ARAP1: variants seen among roughly 807,000 people sequenced by gnomAD.
The protein encoded by ARAP1 is arf-GAP with Rho-GAP domain, ANK repeat and PH domain-containing protein 1.
A neutral mutation model predicts 172.2 loss-of-function variants in ARAP1; 76 were observed. That is an observed-to-expected ratio of 0.44 (90% CI 0.37 to 0.53). ARAP1 has a LOEUF of 0.53. Ranked by LOEUF, ARAP1 falls within the 20% of genes least tolerant of loss-of-function variation. The pLI is 0.00. For missense variants in ARAP1, 1,686 were observed against 1,977.5 expected, an observed-to-expected ratio of 0.85 and a Z score of 2.80; for synonymous variants, 804 against 803.3, an observed-to-expected ratio of 1.00 and a Z score of -0.01.
In ARAP1 at chr11:72,693,597, T is replaced by C. The variant is rs1856036157; in HGVS notation, c.3808+95A>G. ...AGAGGCCCACCCACTTGGCGCCCTC[T>C]GTCTGAGCTGTTCCTACCTGGCACC... is the stretch of plus-strand genomic sequence containing the variant. On this transcript the variant is annotated intron_variant, in intron 28 of 34. Coordinates refer to ENST00000393609, the MANE Select transcript of ARAP1 (RefSeq NM_001040118.3). The surrounding 1 kb of genome is among the most constrained non-coding windows in gnomAD (Gnocchi z 4.6). The C allele has an allele frequency of 6.5e-7, 1 of 1,528,308 alleles. No homozygotes were observed. Among genetic ancestry groups the C allele is most frequent in the Non-Finnish European group, 8.8e-7 (1 of 1,131,812 alleles). 94.7% of individuals were successfully genotyped at this position (1,528,308 alleles called of 1,614,324 possible). A position where few individuals can be genotyped will look rare whatever the true frequency, so the allele number is the denominator to read the frequency against.
At position 72,693,314 on chromosome 11, in the gene ARAP1, G is replaced by T; in HGVS notation, c.3954+11C>A. Reference sequence around the variant, plus strand: ...GCCCACCCTGGGGCAGAACCCAGCGGGGCCACTTACCCGGACCTCCTTGTA... The same window carrying T: ...GCCCACCCTGGGGCAGAACCCAGCGTGGCCACTTACCCGGACCTCCTTGTA... On this transcript the variant is annotated intron_variant, in intron 29 of 34. Coordinates refer to ENST00000393609, the MANE Select transcript of ARAP1 (RefSeq NM_001040118.3). The surrounding 1 kb of genome is among the most constrained non-coding windows in gnomAD (Gnocchi z 4.6). 6.2e-7 allele frequency: 1 copy of T among 1,613,086 alleles called. No homozygotes were observed. Among genetic ancestry groups the T allele is most frequent in the Non-Finnish European group, 8.5e-7 (1 of 1,179,394 alleles).
chr11:72,743,965 C>T (rs1412336378), intron 1 of ARAP1, among the ~76,000 whole-genome samples: 1 of 152,116 alleles, frequency 6.6e-6, no homozygotes, highest in Non-Finnish European at 1.5e-5. Flanking sequence ...CCCCTCCCCT[C>T]TGGTCTCATT....
At position 72,711,046 on chromosome 11, in the gene ARAP1, G is replaced by T. The variant is rs765592665; in HGVS notation, c.1188C>A (p.Thr396=). 1 of 1,614,122 alleles carries T rather than the reference G, an allele frequency of 6.2e-7. No homozygotes were observed. Among genetic ancestry groups the T allele is most frequent in the Non-Finnish European group, 8.5e-7 (1 of 1,180,052 alleles). ...CATCACTCTCTGCCCGGAAGGCAAA[G>T]GTTCGGTTGTTTGTGATCACTTCAA... ...QKFEVITNNR[T]FAFRAESDVE... is the part of the protein sequence containing the mutation. The change falls in exon 9 of 35, where the codon ACC becomes ACA. Residue 396 remains threonine, a synonymous_variant. Coordinates refer to ENST00000393609, the MANE Select transcript of ARAP1 (RefSeq NM_001040118.3).
intron 11 of ARAP1, among the ~76,000 whole-genome samples, chr11:72,709,390 G>T (rs1856908150): frequency 6.6e-6 from 1 of 152,268 alleles, no homozygotes; most frequent in Non-Finnish European, 1.5e-5. Flanking sequence ...TACCTCAGAG[G>T]TAGCGGCTGA....
At chr11:72,722,631 G>A (rs571834600) in intron 3 of ARAP1, among the ~76,000 whole-genome samples, 1 of 152,226 alleles carries the variant, frequency 6.6e-6, no homozygotes, top group Non-Finnish European at 1.5e-5. Flanking sequence ...GGATTGGCTG[G>A]ACTGCAGGGC....
rs534748755 is a variant in ARAP1, at chr11:72,741,661, G to A, written c.-127-9064C>T. ...ACCATAAATGAGGCAGAAACAGGAAGAGACAGGGCTGACCGCAGCAGGGTG... is the reference window on the plus strand; with the variant it reads ...ACCATAAATGAGGCAGAAACAGGAAAAGACAGGGCTGACCGCAGCAGGGTG... On this transcript the variant is annotated intron_variant, in intron 1 of 34. Coordinates refer to ENST00000393609, the MANE Select transcript of ARAP1 (RefSeq NM_001040118.3). This position sits in a 1 kb window ranked among gnomAD's most constrained non-coding sequence, Gnocchi z 4.5. Among the ~76,000 whole-genome samples, 1 of 152,334 alleles carries A rather than the reference G, an allele frequency of 6.6e-6. No homozygotes were observed. The highest frequency in any genetic ancestry group is 2.4e-5 in the African/African-American group (1 of 41,574).
chr11:72,712,627 C>G, intron 5 of ARAP1, 59 bp from the exon 6 acceptor site: 1 of 1,606,026 alleles, frequency 6.2e-7, no homozygotes, highest in Non-Finnish European at 8.5e-7. Context: ...CACACCCACC[C>G]GGGGCTGCCA....
Position 72,693,593 on chromosome 11 carries a change from C to A in ARAP1, c.3808+99G>T. 1 of 1,531,098 alleles carries A rather than the reference C, an allele frequency of 6.5e-7. No individual in the cohort carries two copies. Among genetic ancestry groups the A allele is most frequent in the South Asian group, 1.2e-5 (1 of 80,276 alleles). 94.8% of individuals were successfully genotyped at this position (1,531,098 alleles called of 1,614,324 possible). On this transcript the variant is annotated intron_variant, in intron 28 of 34. Transcript: ENST00000393609. This position sits in a 1 kb window ranked among gnomAD's most constrained non-coding sequence, Gnocchi z 4.6. ...CCATAGAGGCCCACCCACTTGGCGCCCTCTGTCTGAGCTGTTCCTACCTGG... is the reference window on the plus strand; with the variant it reads ...CCATAGAGGCCCACCCACTTGGCGCACTCTGTCTGAGCTGTTCCTACCTGG...
chr11:72,742,397 C>A (rs1422920256), intron 1 of ARAP1, among the ~76,000 whole-genome samples: 1 of 152,188 alleles, frequency 6.6e-6, no homozygotes, highest in Non-Finnish European at 1.5e-5. Context: ...TGGCTTCAGG[C>A]CATGTTACAG....
intron 21 of ARAP1, 62 bp downstream of exon 21, chr11:72,697,261 C>T: frequency 1.3e-6 from 2 of 1,589,274 alleles, no homozygotes; most frequent in Non-Finnish European, 8.6e-7. Flanking sequence ...GGCCGCGCAG[C>T]TCTGGGGCGG....
intron 7 of ARAP1, 47 bp downstream of exon 7, chr11:72,712,149 C>CAGGA (rs761020007): frequency 1.3e-6 from 2 of 1,509,566 alleles, no homozygotes. Flanking sequence ...ACACTGCCCC[C>CAGGA]CACCCCCCCA....
intron 1 of ARAP1, among the ~76,000 whole-genome samples, chr11:72,739,994 C>A (rs2135588590): frequency 6.6e-6 from 1 of 152,220 alleles, no homozygotes; most frequent in East Asian, 1.9e-4. Context: ...CTCACCAGCT[C>A]CCCTTGGGGA....
At chr11:72,696,380 C>T (rs1329006762) in intron 23 of ARAP1, among the ~76,000 whole-genome samples, 169 bp downstream of exon 23, 1 of 152,174 alleles carries the variant, frequency 6.6e-6, no homozygotes, top group Non-Finnish European at 1.5e-5. Flanking sequence ...GGTCTGTGGC[C>T]TGGGGACTGG....
At chr11:72,732,341 C>T (rs1242008388) in intron 2 of ARAP1, among the ~76,000 whole-genome samples, 174 bp downstream of exon 2, 1 of 152,284 alleles carries the variant, frequency 6.6e-6, no homozygotes, top group East Asian at 1.9e-4. Context: ...CCAAGGCCTG[C>T]TGGGAGGCTC....
chr11:72,697,337 T>G lies in ARAP1; in HGVS notation c.2939A>C (p.Tyr980Ser). 6.3e-7 allele frequency: 1 copy of G among 1,593,298 alleles called. No individual in the cohort carries two copies. Among genetic ancestry groups the G allele is most frequent in the Non-Finnish European group, 8.5e-7 (1 of 1,170,262 alleles). Residue 980 changes from tyrosine (Y) to serine (S), a missense_variant, in exon 21 of 35, where the codon TAC (tyrosine) becomes TCC (serine). Physicochemically the swap from Tyr to Ser is moderately radical, Grantham distance 144 (BLOSUM62 -2). Transcript: ENST00000393609. The part of the protein sequence containing the change: ...IPVIVYRCVD[Y>S]ITQCGLTSEG... The stretch of plus-strand genomic sequence containing the variant: ...GCAGGGCTCACCGCACTGCGTGATG[T>G]AGTCCACACAGCGGTACACGATCAC...
At position 72,701,773 on chromosome 11, in the gene ARAP1, C is replaced by A. The variant is rs1038958851; in HGVS notation, c.2178G>T (p.Arg726=). 10 of 1,613,386 alleles carry A rather than the reference C, an allele frequency of 6.2e-6. No individual in the cohort carries two copies. The African/African-American group carries it at 8.0e-5, about 13-fold the overall frequency. Residue 726 remains arginine, a synonymous_variant, in exon 16 of 35, where the codon CGG becomes CGT. Coordinates refer to ENST00000393609, the MANE Select transcript of ARAP1 (RefSeq NM_001040118.3). ...TTTCCAGGGGCTTCATCGAGTCCAG[C>A]CGAGGCACCTCTTTGTAGGCGGGGA... ...LRNNRTTEVP[R]LDSMKPLEKH...
intron 8 of ARAP1, 138 bp downstream of exon 8, chr11:72,711,292 G>T: frequency 6.8e-7 from 1 of 1,466,780 alleles, no homozygotes. Flanking sequence ...GCAGGCAGAG[G>T]GCCAGGAGGA....
chr11:72,695,091 C>T lies in ARAP1; in HGVS notation c.3583G>A (p.Ala1195Thr), dbSNP rs1194686555. ...AETEQHIKVP[A>T]SMTAEELTLE... ...GTGAGCTCCTCAGCAGTCATGGATG[C>T]TGGGACCTGCAAGGACCAAGGAGGA... Residue 1195 changes from alanine to threonine, a missense_variant, in exon 27 of 35, where the codon GCA (alanine) becomes ACA (threonine). Ala to Thr is a moderately conservative substitution (Grantham distance 58). Coordinates refer to ENST00000393609, the MANE Select transcript of ARAP1 (RefSeq NM_001040118.3). The surrounding 1 kb of genome is among the most constrained non-coding windows in gnomAD (Gnocchi z 4.4). 1 of 1,613,932 alleles carries T rather than the reference C, an allele frequency of 6.2e-7. No homozygotes were observed. Among genetic ancestry groups the T allele is most frequent in the Non-Finnish European group, 8.5e-7 (1 of 1,179,978 alleles).
At chr11:72,713,590 G>A (rs534727853) in intron 4 of ARAP1, among the ~76,000 whole-genome samples, 2 of 152,268 alleles carry the variant, frequency 1.3e-5, no homozygotes, top group South Asian at 2.1e-4. Flanking sequence ...GCTCATGCCT[G>A]TAATCCCAGC....
Sources: allele counts gnomAD v4.1 joint callset (sites outside exome capture counted in the v4.1 genomes callset), GRCh38; gene constraint gnomAD v4.1.1; non-coding constraint Gnocchi (gnomAD v3.1); transcripts MANE v1.5; gene names NCBI Gene and HGNC (gene_info 2026-07-23, HGNC 2026-07-21).